THAP3: variants seen among roughly 807,000 people sequenced by gnomAD.
THAP3 encodes THAP domain containing 3, also known as THAP domain-containing protein 3.
A neutral mutation model predicts 17.7 loss-of-function variants in THAP3; 12 were observed. The observed-to-expected ratio is 0.68, with a 90% confidence interval of 0.43 to 1.10. The LOEUF is 1.10. THAP3 is among the 50% of genes least tolerant of loss of function. The pLI, the probability that THAP3 is intolerant of heterozygous loss-of-function variation, is 0.00. For missense variants in THAP3, 289 were observed against 318.0 expected (o/e 0.91, Z 0.69); for synonymous variants, 133 against 126.9 (o/e 1.05, Z -0.32).
downstream of THAP3, chr1:6,634,198 G>A: frequency 2.8e-6 from 3 of 1,082,404 alleles, no homozygotes; most frequent in Non-Finnish European, 2.7e-6. Context: ...ATTGTGGTGA[G>A]TGCCTTCTGT....
At chr1:6,628,736 T>G (rs1030432627) in intron 3 of THAP3, 45 bp downstream of exon 3, 1 of 1,562,346 alleles carries the variant, frequency 6.4e-7, no homozygotes, top group Non-Finnish European at 8.7e-7. Context: ...CCAGCCTGCG[T>G]TGTTTACCAG....
At chr1:6,630,255 G>A in intron 3 of THAP3, 33 bp from the exon 4 acceptor site, 1 of 1,608,444 alleles carries the variant, frequency 6.2e-7, no homozygotes, top group Non-Finnish European at 8.5e-7. Flanking sequence ...GGGTTCTTGG[G>A]GTCTGCATCC....
chr1:6,631,194 T>C (rs1292472898), intron 4 of THAP3, among the ~76,000 whole-genome samples: 2 of 151,872 alleles, frequency 1.3e-5, no homozygotes, highest in Non-Finnish European at 2.9e-5. Context: ...TTTTTTTTTT[T>C]TTTTAGAAAT....
chr1:6,632,919 C>T lies in THAP3; in HGVS notation c.562C>T (p.Leu188=). ...CTATGCCCTTTTGGACTTAGATTCC[C>T]TGAAGAAAAAACTCTTCCTCACTCT... ...HSYALLDLDS[L]KKKLFLTLKE... The change falls in exon 6 of 6, where the codon CTG becomes TTG. Residue 188 remains leucine, a synonymous_variant. Coordinates refer to ENST00000054650, the MANE Select transcript of THAP3 (RefSeq NM_001195753.2). 1 of 1,612,966 alleles carries T rather than the reference C, an allele frequency of 6.2e-7. No individual in the cohort carries two copies. Among genetic ancestry groups the T allele is most frequent in the East Asian group, 2.2e-5 (1 of 44,880 alleles).
At chr1:6,630,877 C>T (rs1641593138) in intron 4 of THAP3, among the ~76,000 whole-genome samples, 1 of 144,742 alleles carries the variant, frequency 6.9e-6, no homozygotes, top group African/African-American at 2.5e-5. Context: ...TGGGCCCCCA[C>T]TTTTTTTTTT....
At chr1:6,632,576 C>T (rs1553125449) in intron 5 of THAP3, 81 bp downstream of exon 5, 7 of 1,584,990 alleles carry the variant, frequency 4.4e-6, no homozygotes, top group East Asian at 2.2e-5. Flanking sequence ...TGAGCACCCA[C>T]CATGAGACCT....
intron 2 of THAP3, among the ~76,000 whole-genome samples, chr1:6,626,243 G>A (rs1233149388): frequency 6.6e-6 from 1 of 152,208 alleles, no homozygotes; most frequent in African/African-American, 2.4e-5. Flanking sequence ...CCAGCTTCGA[G>A]GCTGCAGTGA....
chr1:6,625,480 C>T (rs558200235), intron 2 of THAP3, among the ~76,000 whole-genome samples, 188 bp downstream of exon 2: 145 of 151,656 alleles, frequency 9.6e-4, no homozygotes, highest in Non-Finnish European at 1.7e-3. Flanking sequence ...GAGTGGCGGA[C>T]GGAGGGGCAG....
rs746429925 is a variant in THAP3 at position 6,632,387 on chromosome 1, C to T, written c.334-4C>T. ...TAGTGCAGACTTCACCCTGCCGTTC[C>T]CAGGTCCTCCCTGAGGCGGGGGCCG... On this transcript the variant is annotated splice_polypyrimidine_tract_variant and splice_region_variant and intron_variant, in intron 4 of 5. Coordinates refer to ENST00000054650, the MANE Select transcript of THAP3 (RefSeq NM_001195753.2). 44 of 1,613,346 alleles carry T rather than the reference C, an allele frequency of 2.7e-5. No homozygotes were observed. Among genetic ancestry groups the T allele is most frequent in the Non-Finnish European group, 1.4e-5 (16 of 1,179,912 alleles).
At chr1:6,634,632 G>A (rs770627740), downstream of THAP3, 16 of 1,366,354 alleles carry the variant, frequency 1.2e-5, no homozygotes, top group Middle Eastern at 8.4e-4. Context: ...TACTGCAGCC[G>A]AGGTCCAGGC....
downstream of THAP3, chr1:6,634,897 C>T (rs1219694378): frequency 1.7e-6 from 2 of 1,188,056 alleles, no homozygotes; most frequent in South Asian, 1.5e-5. Flanking sequence ...CAGCACTGCA[C>T]TCTGGAGGTG....
downstream of THAP3, chr1:6,635,281 G>C: frequency 1.1e-5 from 2 of 188,290 alleles, no homozygotes; most frequent in South Asian, 1.2e-4. Flanking sequence ...GTGGACTGCA[G>C]AAGTGGCTCA....
chr1:6,634,695 A>G, downstream of THAP3: 1 of 1,365,894 alleles, frequency 7.3e-7, no homozygotes, highest in Non-Finnish European at 9.8e-7. Context: ...GGGCACGTGG[A>G]GGAAGGGTCT....
downstream of THAP3, chr1:6,633,935 C>CTAT (rs1641699906): frequency 3.1e-6 from 4 of 1,278,306 alleles, no homozygotes; most frequent in Admixed American, 2.2e-5. Context: ...AACTGACTTC[C>CTAT]TATTTTGTCT....
intron 3 of THAP3, 100 bp from the exon 4 acceptor site, chr1:6,630,188 G>A: frequency 1.0e-6 from 1 of 1,002,222 alleles, no homozygotes; most frequent in Non-Finnish European, 1.6e-6. Flanking sequence ...ACTGGGGCAT[G>A]CAGTGGGCCG....
chr1:6,630,185 C>T (rs1641569773), intron 3 of THAP3, 103 bp from the exon 4 acceptor site: 3 of 966,714 alleles, frequency 3.1e-6, no homozygotes, highest in East Asian at 4.8e-5. Context: ...TTGACTGGGG[C>T]ATGCAGTGGG....
downstream of THAP3, chr1:6,635,016 C>T (rs535208959): frequency 6.1e-5 from 29 of 471,624 alleles, no homozygotes; most frequent in African/African-American, 4.4e-4. Context: ...GCCCTGGGAT[C>T]GGGAGTTACA....
downstream of THAP3, chr1:6,634,694 G>A (rs964741972): frequency 7.3e-7 from 1 of 1,365,892 alleles, no homozygotes; most frequent in African/African-American, 1.5e-5. Flanking sequence ...TGGGCACGTG[G>A]AGGAAGGGTC....
rs904147283 is a variant in THAP3, at chr1:6,628,664, G to A, written c.240G>A (p.Thr80=). The change falls in exon 3 of 6, where the codon ACG becomes ACA. Residue 80 remains threonine (T), a synonymous_variant. Coordinates refer to ENST00000054650, the MANE Select transcript of THAP3 (RefSeq NM_001195753.2). The part of the protein sequence containing the change: ...RKNLKHNAVP[T]VFAFQDPTQQ... The stretch of plus-strand genomic sequence containing the variant: ...ACCTAAAGCACAATGCCGTGCCCAC[G>A]GTGTTCGCCTTTCAGGACCCCACAC... 9 of 1,613,276 alleles carry A rather than the reference G, an allele frequency of 5.6e-6. No individual in the cohort carries two copies. The highest frequency in any genetic ancestry group is 1.3e-5 in the African/African-American group (1 of 74,946).
Sources: allele counts gnomAD v4.1 joint callset (sites outside exome capture counted in the v4.1 genomes callset), GRCh38; gene constraint gnomAD v4.1.1; transcripts MANE v1.5; gene names NCBI Gene and HGNC (gene_info 2026-07-23, HGNC 2026-07-21).